The following GPHN variants were observed in gnomAD, a reference collection of about 807,000 sequenced individuals.
GPHN encodes the protein gephyrin.
In GPHN, 17 loss-of-function variants were observed where a neutral mutation model predicts 95.5. That is an observed-to-expected ratio of 0.18 (90% CI 0.12 to 0.27). The LOEUF (loss-of-function observed/expected upper bound fraction) is 0.27, where lower values mean the gene tolerates loss of function less well. GPHN is among the 10% of genes least tolerant of loss of function. GPHN has a pLI of 1.00. For missense variants in GPHN, 660 were observed against 978.1 expected (o/e 0.67, Z 4.34); for synonymous variants, 320 against 322.5 (o/e 0.99, Z 0.08).
intron 16 of GPHN, 72 bp downstream of exon 16, chr14:67,113,243 T>C: frequency 7.7e-7 from 1 of 1,301,356 alleles, no homozygotes; most frequent in South Asian, 1.2e-5. Context: ...ATATGTTCTG[T>C]GTTGTAAATA....
the GPHN span, among the ~76,000 whole-genome samples, chr14:67,369,839 G>C: frequency 1.1e-4 from 17 of 152,294 alleles, no homozygotes; most frequent in Non-Finnish European, 1.6e-4. Flanking sequence ...TAAACTCAAA[G>C]TTGCTGAGAC....
At chr14:67,169,243 C>T in intron 21 of GPHN, 1 of 593,814 alleles carries the variant, frequency 1.7e-6, no homozygotes. Flanking sequence ...GAATCATTTT[C>T]TCCAGATAGA....
chr14:66,839,706 T>C (rs1022199810), intron 4 of GPHN, among the ~76,000 whole-genome samples: 2 of 152,178 alleles, frequency 1.3e-5, no homozygotes, highest in Non-Finnish European at 2.9e-5. Context: ...AATACCCCCA[T>C]TGATGAGATT....
intron 2 of GPHN, among the ~76,000 whole-genome samples, chr14:66,707,065 A>C (rs1167459478): frequency 6.6e-6 from 1 of 151,916 alleles, no homozygotes; most frequent in African/African-American, 2.4e-5. Context: ...AAAAAAAAAA[A>C]ACAACATCAC....
At chr14:66,820,916 T>C (rs1208365339) in intron 3 of GPHN, among the ~76,000 whole-genome samples, 1 of 152,144 alleles carries the variant, frequency 6.6e-6, no homozygotes, top group Admixed American at 6.6e-5. Flanking sequence ...TAAAGATGAA[T>C]GGAATGGAAT....
At chr14:66,943,432 A>G (rs951367938) in intron 8 of GPHN, among the ~76,000 whole-genome samples, 1 of 152,190 alleles carries the variant, frequency 6.6e-6, no homozygotes, top group African/African-American at 2.4e-5. Flanking sequence ...TTAGTACTAC[A>G]TGTCCCTAGC....
intron 1 of GPHN, among the ~76,000 whole-genome samples, chr14:66,555,514 C>T (rs1028368246): frequency 2.6e-5 from 4 of 151,998 alleles, no homozygotes; most frequent in Non-Finnish European, 5.9e-5. Context: ...CCCACGCTGC[C>T]TTTTGAAAGA....
intron 9 of GPHN, among the ~76,000 whole-genome samples, chr14:67,012,691 A>T (rs532999708): frequency 1.3e-5 from 2 of 152,258 alleles, no homozygotes; most frequent in South Asian, 4.1e-4. Context: ...AATGCTCTAC[A>T]TGCATTAGCT....
chr14:66,709,365 T>C, intron 2 of GPHN: 1 of 456,010 alleles, frequency 2.2e-6, no homozygotes, highest in South Asian at 1.5e-5. Context: ...AGGGGATAAA[T>C]TCCAAAACTG....
At chr14:67,581,132 G>T in the GPHN span, 3 of 786,184 alleles carry the variant, frequency 3.8e-6, no homozygotes, top group Non-Finnish European at 6.7e-6. Flanking sequence ...ATCCAGACGG[G>T]GGGAGGGACC....
At chr14:66,771,212 G>C (rs2059156597) in intron 2 of GPHN, among the ~76,000 whole-genome samples, 1 of 152,146 alleles carries the variant, frequency 6.6e-6, no homozygotes, top group Non-Finnish European at 1.5e-5. Flanking sequence ...TAATTGAACT[G>C]TGATAAATCT....
chr14:67,333,767 A>G, the GPHN span: 2 of 152,690 alleles, frequency 1.3e-5, no homozygotes, highest in South Asian at 2.1e-4. Context: ...AATAGAATGT[A>G]TGTTACATTT....
chr14:67,245,955 G>T, the GPHN span, among the ~76,000 whole-genome samples: 1 of 151,798 alleles, frequency 6.6e-6, no homozygotes, highest in Non-Finnish European at 1.5e-5. Context: ...AGAAGTACAA[G>T]TTGTTTCACT....
the GPHN span, chr14:67,620,758 TGGAA>T: frequency 1.3e-6 from 1 of 783,104 alleles, no homozygotes; most frequent in Non-Finnish European, 2.1e-6. Flanking sequence ...ACAATGGAGT[TGGAA>T]GGACAGTCAT....
At chr14:67,668,592 T>C in the GPHN span, among the ~76,000 whole-genome samples, 1 of 152,234 alleles carries the variant, frequency 6.6e-6, no homozygotes, top group African/African-American at 2.4e-5. Context: ...ACACATTCCA[T>C]CATCCAATAG....
At chr14:67,585,339 T>G in the GPHN span, 13 of 515,448 alleles carry the variant, frequency 2.5e-5, no homozygotes, top group East Asian at 7.1e-5. Flanking sequence ...CCTCTGCCTT[T>G]GAGATGGTTA....
the GPHN span, chr14:67,579,351 C>G: frequency 1.4e-6 from 2 of 1,422,918 alleles, no homozygotes; most frequent in Non-Finnish European, 1.9e-6. Flanking sequence ...AGTCTTCTCA[C>G]GTCACCATCC....
the GPHN span, among the ~76,000 whole-genome samples, chr14:67,717,605 G>A: frequency 6.6e-6 from 1 of 152,190 alleles, no homozygotes; most frequent in Non-Finnish European, 1.5e-5. Flanking sequence ...CCCAAACGGG[G>A]GTGATTTTGC....
chr14:67,388,321 C>G, the GPHN span: 2 of 1,540,362 alleles, frequency 1.3e-6, no homozygotes. Flanking sequence ...GAAAGGAGAC[C>G]CAATTAGGAA....
Sources: gnomAD v4.1 joint callset for allele counts (sites outside exome capture counted in the v4.1 genomes callset) on GRCh38, gnomAD v4.1.1 for gene constraint, MANE v1.5 for transcripts, NCBI Gene and HGNC (gene_info 2026-07-23, HGNC 2026-07-21) for gene names.